The following SLC8A1 variants were observed in gnomAD, a reference collection of about 807,000 sequenced individuals.
SLC8A1 encodes sodium/calcium exchanger 1.
In SLC8A1, 18 loss-of-function variants were observed where a neutral mutation model predicts 68.3. The ratio of observed to expected loss-of-function variants is 0.26; its 90% CI spans 0.18 to 0.39. SLC8A1 has a LOEUF of 0.39. Ranked by LOEUF, SLC8A1 falls within the 10% of genes least tolerant of loss-of-function variation. The pLI is 1.00. For synonymous variants in SLC8A1, 475 were observed against 415.5 expected (o/e 1.14, Z -1.74); for missense variants, 985 against 1,156.7 (o/e 0.85, Z 2.15).
chr2:40,369,618 C>T (rs966115374), intron 2 of SLC8A1, among the ~76,000 whole-genome samples: 8 of 152,070 alleles, frequency 5.3e-5, no homozygotes, highest in African/African-American at 1.4e-4. Flanking sequence ...GCTCTAATGT[C>T]CTGTCCATCT....
chr2:40,449,643 C>A (rs546201664), intron 1 of SLC8A1, among the ~76,000 whole-genome samples: 99 of 149,736 alleles, frequency 6.6e-4, no homozygotes, highest in African/African-American at 2.3e-3. Flanking sequence ...TAATCTGAAA[C>A]GTTACAGTAG....
chr2:40,343,633 G>T (rs939595286), intron 2 of SLC8A1, among the ~76,000 whole-genome samples: 4 of 152,118 alleles, frequency 2.6e-5, no homozygotes, highest in African/African-American at 9.7e-5. Flanking sequence ...TGGTAATTAT[G>T]CAAATGTGGC....
intron 2 of SLC8A1, among the ~76,000 whole-genome samples, chr2:40,309,904 C>A (rs897628215): frequency 6.6e-6 from 1 of 152,032 alleles, no homozygotes; most frequent in Admixed American, 6.6e-5. Context: ...GTTGTGCAAC[C>A]ATCACCATTC....
chr2:40,381,875 C>T (rs1681924369), intron 2 of SLC8A1, among the ~76,000 whole-genome samples: 1 of 151,870 alleles, frequency 6.6e-6, no homozygotes, highest in Admixed American at 6.6e-5. Context: ...ACCAACTCCT[C>T]TTCCATACCT....
intron 1 of SLC8A1, among the ~76,000 whole-genome samples, chr2:40,488,202 A>T (rs771290115): frequency 6.6e-6 from 1 of 150,770 alleles, no homozygotes; most frequent in Admixed American, 6.6e-5. Context: ...CTATAACCAC[A>T]AGGGGGACAC....
At chr2:40,360,397 T>C (rs1674242867) in intron 2 of SLC8A1, among the ~76,000 whole-genome samples, 1 of 152,166 alleles carries the variant, frequency 6.6e-6, no homozygotes, top group East Asian at 1.9e-4. Flanking sequence ...TTAGGCATAG[T>C]TTATATATTT....
At chr2:40,167,905 C>T (rs1490957286) in intron 4 of SLC8A1, among the ~76,000 whole-genome samples, 5 of 152,076 alleles carry the variant, frequency 3.3e-5, no homozygotes, top group Non-Finnish European at 7.4e-5. Context: ...TGAGATAGAA[C>T]AATAAGTTTC....
chr2:40,345,354 T>C (rs1668914568), intron 2 of SLC8A1, among the ~76,000 whole-genome samples: 1 of 152,156 alleles, frequency 6.6e-6, no homozygotes, highest in Non-Finnish European at 1.5e-5. Flanking sequence ...TCCATTTATT[T>C]GCAAAGAAAA....
chr2:40,304,804 G>T (rs900338249), intron 2 of SLC8A1, among the ~76,000 whole-genome samples: 2 of 152,044 alleles, frequency 1.3e-5, no homozygotes, highest in African/African-American at 4.8e-5. Context: ...TGTTTTCTGG[G>T]CTCAGCGATG....
intron 1 of SLC8A1, among the ~76,000 whole-genome samples, chr2:40,431,073 A>C (rs1698172914): frequency 6.6e-6 from 1 of 152,198 alleles, no homozygotes; most frequent in Admixed American, 6.5e-5. Context: ...CAGCCAGCCC[A>C]GGTCTGCTGA....
chr2:40,510,519 C>T (rs1253982311), intron 1 of SLC8A1, among the ~76,000 whole-genome samples: 1 of 152,132 alleles, frequency 6.6e-6, no homozygotes, highest in Non-Finnish European at 1.5e-5. Context: ...TTATGTCAAC[C>T]TTTTACATAT....
intron 2 of SLC8A1, among the ~76,000 whole-genome samples, chr2:40,412,988 G>C (rs926510150): frequency 1.3e-5 from 2 of 152,054 alleles, no homozygotes; most frequent in African/African-American, 4.8e-5. Flanking sequence ...TGCCATGTTG[G>C]TGTGCTGCAC....
chr2:40,176,021 C>T (rs1025948243), intron 3 of SLC8A1: 3 of 444,238 alleles, frequency 6.8e-6, no homozygotes, highest in Non-Finnish European at 1.4e-5. Flanking sequence ...ACTGACAGGG[C>T]ATTGGGTTGG....
intron 1 of SLC8A1, among the ~76,000 whole-genome samples, chr2:40,474,712 T>C (rs1010169827): frequency 6.6e-6 from 1 of 152,236 alleles, no homozygotes; most frequent in South Asian, 2.1e-4. Context: ...ATTATTCATA[T>C]TTTATACTTA....
intron 1 of SLC8A1, among the ~76,000 whole-genome samples, chr2:40,480,954 A>G (rs1331863972): frequency 6.6e-6 from 1 of 152,252 alleles, no homozygotes; most frequent in Non-Finnish European, 1.5e-5. Context: ...ACTTAAGAAT[A>G]TAAAAGATCA....
At chr2:40,475,559 A>T (rs1430761456) in intron 1 of SLC8A1, among the ~76,000 whole-genome samples, 1 of 152,138 alleles carries the variant, frequency 6.6e-6, no homozygotes, top group Non-Finnish European at 1.5e-5. Flanking sequence ...TTTAAATAAT[A>T]ATATACCCAT....
At chr2:40,102,433 C>A (rs1464102837) in exon 8 of SLC8A1, 1 of 149,802 alleles carries the variant, frequency 6.7e-6, no homozygotes, top group Admixed American at 6.7e-5. Flanking sequence ...AAAGAGTGAA[C>A]AGAGGGAAGG....
chr2:40,181,015 A>G (rs916464765), intron 2 of SLC8A1, among the ~76,000 whole-genome samples: 1 of 151,990 alleles, frequency 6.6e-6, no homozygotes, highest in Non-Finnish European at 1.5e-5. Context: ...GCTGGAGTGC[A>G]GTGGTGTGAT....
intron 2 of SLC8A1, among the ~76,000 whole-genome samples, chr2:40,284,831 A>T (rs570809858): frequency 2.6e-5 from 4 of 152,170 alleles, no homozygotes; most frequent in Admixed American, 6.6e-5. Context: ...GCAATTGAGC[A>T]GTAGAGGATG....
Sources: allele counts gnomAD v4.1 joint callset (sites outside exome capture counted in the v4.1 genomes callset), GRCh38; gene constraint gnomAD v4.1.1; transcripts MANE v1.5; gene names NCBI Gene and HGNC (gene_info 2026-07-23, HGNC 2026-07-21).